TANK: variants seen among roughly 807,000 people sequenced by gnomAD.
The protein encoded by TANK is TRAF family member-associated NF-kappa-B activator.
Under a neutral mutation model 43.6 loss-of-function variants are expected in TANK, and 15 were observed. That is an observed-to-expected ratio of 0.34 (90% CI 0.23 to 0.53). TANK has a LOEUF of 0.53. Ranked by LOEUF, TANK falls within the 20% of genes least tolerant of loss-of-function variation. The pLI is 0.94. For missense variants in TANK, 417 were observed against 498.6 expected, an observed-to-expected ratio of 0.84 and a Z score of 1.56; for synonymous variants, 162 against 178.2, an observed-to-expected ratio of 0.91 and a Z score of 0.73.
At chr2:161,168,809 G>A (rs897012337) in intron 1 of TANK, among the ~76,000 whole-genome samples, 3 of 152,126 alleles carry the variant, frequency 2.0e-5, no homozygotes, top group Admixed American at 1.3e-4. Context: ...CTCCAGCCTC[G>A]AGCAACAGAG....
chr2:161,155,420 T>A (rs1452303904), intron 1 of TANK, among the ~76,000 whole-genome samples: 1 of 152,234 alleles, frequency 6.6e-6, no homozygotes, highest in East Asian at 1.9e-4. Context: ...AATTTCACCT[T>A]TCTTGAGTTT....
intron 1 of TANK, among the ~76,000 whole-genome samples, chr2:161,147,317 A>T (rs1163625369): frequency 6.6e-6 from 1 of 152,198 alleles, no homozygotes; most frequent in Non-Finnish European, 1.5e-5. Context: ...AACAGCTTGG[A>T]CAGCAGAGAG....
chr2:161,213,678 C>A (rs1574047133), intron 4 of TANK, among the ~76,000 whole-genome samples: 1 of 139,444 alleles, frequency 7.2e-6, no homozygotes, highest in Admixed American at 7.1e-5. Context: ...AATGCTTCTA[C>A]ATTCAACCTG....
intron 1 of TANK, among the ~76,000 whole-genome samples, chr2:161,139,068 T>G (rs1302633686): frequency 6.6e-6 from 1 of 152,208 alleles, no homozygotes; most frequent in Non-Finnish European, 1.5e-5. Flanking sequence ...AATTTATCTT[T>G]CATCTAGCAA....
At chr2:161,160,106 T>C (rs546529456), upstream of TANK, 5 of 279,150 alleles carry the variant, frequency 1.8e-5, no homozygotes, top group East Asian at 2.9e-4. Flanking sequence ...AGGGTGATGT[T>C]ATTTATTTAC....
At chr2:161,201,882 A>T (rs113292039) in intron 2 of TANK, among the ~76,000 whole-genome samples, 4 of 152,158 alleles carry the variant, frequency 2.6e-5, no homozygotes, top group Admixed American at 1.3e-4. Flanking sequence ...TTGGACATGC[A>T]CTTCAGGTAG....
intron 1 of TANK, among the ~76,000 whole-genome samples, chr2:161,138,674 G>A (rs905437613): frequency 6.6e-6 from 1 of 152,186 alleles, no homozygotes; most frequent in Non-Finnish European, 1.5e-5. Context: ...TTCAGGTTCT[G>A]CCCAGCAGCC....
intron 1 of TANK, among the ~76,000 whole-genome samples, chr2:161,170,004 T>G (rs976130044): frequency 4.6e-5 from 7 of 152,218 alleles, no homozygotes; most frequent in African/African-American, 1.7e-4. Flanking sequence ...AACCACCTTC[T>G]TCATTGTTGG....
intron 2 of TANK, chr2:161,201,302 G>T (rs1284413880): frequency 1.1e-6 from 1 of 896,558 alleles, no homozygotes; most frequent in East Asian, 1.2e-4. Context: ...TTTATTTATT[G>T]TAATATCTTA....
chr2:161,212,252 G>A (rs1270753623), intron 4 of TANK: 8 of 446,640 alleles, frequency 1.8e-5, no homozygotes, highest in African/African-American at 2.1e-5. Context: ...GTAGAGACGG[G>A]GTTTCACTAT....
rs1687906401 is a variant in TANK at position 161,231,479 on chromosome 2, A to T, written c.1029A>T (p.Pro343=). The T allele has an allele frequency of 6.2e-7, 1 of 1,613,924 alleles. No homozygotes were observed. Among genetic ancestry groups the T allele is most frequent in the Admixed American group, 1.7e-5 (1 of 60,004 alleles). Residue 343 remains proline (P), a synonymous_variant, in exon 7 of 8, where the codon CCA becomes CCT. Coordinates refer to ENST00000392749, the MANE Select transcript of TANK (RefSeq NM_001199135.3). ...DHNALYVNSF[P]LLDPSDAPFP... is the part of the protein sequence containing the mutation. ...ATGCATTATATGTAAATAGCTTCCC[A>T]CTTCTGGACCCATCTGATGCACCTT...
intron 1 of TANK, among the ~76,000 whole-genome samples, chr2:161,146,169 C>A (rs1270957286): frequency 6.6e-6 from 1 of 152,122 alleles, no homozygotes; most frequent in Non-Finnish European, 1.5e-5. Context: ...TTTTTCAGCT[C>A]CATCAGGTAA....
At chr2:161,197,149 C>G (rs1306645175) in intron 2 of TANK, among the ~76,000 whole-genome samples, 1 of 152,186 alleles carries the variant, frequency 6.6e-6, no homozygotes, top group Non-Finnish European at 1.5e-5. Context: ...TTGTACATAT[C>G]TGTACGTACT....
At chr2:161,170,189 G>T (rs769867751) in intron 1 of TANK, among the ~76,000 whole-genome samples, 4 of 152,166 alleles carry the variant, frequency 2.6e-5, no homozygotes, top group Non-Finnish European at 5.9e-5. Flanking sequence ...GGAACATCAA[G>T]TTAAAAGTGT....
intron 1 of TANK, among the ~76,000 whole-genome samples, chr2:161,141,937 A>T (rs79371172): frequency 6.6e-6 from 1 of 152,172 alleles, no homozygotes; most frequent in Non-Finnish European, 1.5e-5. Context: ...ACGAATTTAC[A>T]TTTCCACCAA....
At chr2:161,225,916 C>G (rs1687592582) in intron 6 of TANK, among the ~76,000 whole-genome samples, 2 of 152,096 alleles carry the variant, frequency 1.3e-5, no homozygotes, top group South Asian at 4.1e-4. Flanking sequence ...TAATTTGGTT[C>G]TTTCTCTCCC....
intron 1 of TANK, among the ~76,000 whole-genome samples, chr2:161,140,465 C>G (rs1013726989): frequency 2.0e-5 from 3 of 151,810 alleles, no homozygotes; most frequent in Non-Finnish European, 4.4e-5. Flanking sequence ...TGCATTTTGT[C>G]CATTTGTCTT....
At chr2:161,152,717 G>A (rs1684113293) in intron 1 of TANK, among the ~76,000 whole-genome samples, 1 of 151,976 alleles carries the variant, frequency 6.6e-6, no homozygotes, top group Non-Finnish European at 1.5e-5. Flanking sequence ...GATTCTACAT[G>A]CATTTGATTT....
At chr2:161,176,813 A>G (rs1026550034) in intron 1 of TANK, among the ~76,000 whole-genome samples, 1 of 152,136 alleles carries the variant, frequency 6.6e-6, no homozygotes, top group Non-Finnish European at 1.5e-5. Flanking sequence ...TATTTGTCTC[A>G]GATCTAAAGG....
Sources: allele counts gnomAD v4.1 joint callset (sites outside exome capture counted in the v4.1 genomes callset), GRCh38; gene constraint gnomAD v4.1.1; transcripts MANE v1.5; gene names NCBI Gene and HGNC (gene_info 2026-07-23, HGNC 2026-07-21).